DNHD1: variants seen among roughly 807,000 people sequenced by gnomAD.
DNHD1 encodes the protein dynein heavy chain domain-containing protein 1.
A neutral mutation model predicts 458.1 loss-of-function variants in DNHD1; 383 were observed. That is an observed-to-expected ratio of 0.84 (90% confidence interval 0.77 to 0.91). The LOEUF (loss-of-function observed/expected upper bound fraction) is 0.91. DNHD1 is among the 40% of genes least tolerant of loss of function. DNHD1 has a pLI of 0.00. For synonymous variants in DNHD1, 2,203 were observed against 2,376.9 expected (o/e 0.93, Z 2.13); for missense variants, 5,336 against 5,866.1 (o/e 0.91, Z 2.95).
In DNHD1 at chr11:6,522,604, C is replaced by T. The variant is rs543616125; in HGVS notation, c.1837+2315C>T. ...ATATAACAAACCTGCACATGTACCC[C>T]GGAATCTAAAATAAAAGTTTAAAAA... On this transcript the variant is annotated intron_variant, in intron 10 of 42. Transcript: ENST00000254579. Among the ~76,000 whole-genome samples the T allele has an allele frequency of 8.6e-3, 1,303 of 152,042 alleles. 17 individuals carry two copies. Among genetic ancestry groups the T allele is most frequent in the African/African-American group, 0.03 (1,224 of 41,434 alleles).
At chr11:6,514,712 T>C (rs1310616323) in intron 7 of DNHD1, among the ~76,000 whole-genome samples, 1 of 152,222 alleles carries the variant, frequency 6.6e-6, no homozygotes, top group African/African-American at 2.4e-5. Context: ...TATGCTCTTT[T>C]TTTATAAACA....
chr11:6,566,559 G>A, intron 34 of DNHD1, 28 bp from the exon 35 acceptor site: 3 of 1,611,708 alleles, frequency 1.9e-6, no homozygotes, highest in Non-Finnish European at 2.5e-6. Context: ...AAGGGGAAGA[G>A]GTTAAGCATC....
intron 10 of DNHD1, among the ~76,000 whole-genome samples, chr11:6,526,319 A>C (rs1194494469): frequency 6.6e-6 from 1 of 151,500 alleles, no homozygotes; most frequent in East Asian, 1.9e-4. Context: ...TCTAATTCTG[A>C]TATGTGTCCT....
chr11:6,527,959 G>A (rs1852743835), intron 10 of DNHD1, among the ~76,000 whole-genome samples: 1 of 152,192 alleles, frequency 6.6e-6, no homozygotes, highest in Non-Finnish European at 1.5e-5. Flanking sequence ...CCTCTGTTCT[G>A]CAGATGCCAG....
intron 10 of DNHD1, among the ~76,000 whole-genome samples, chr11:6,528,163 T>G (rs746701902): frequency 1.3e-5 from 2 of 152,204 alleles, no homozygotes; most frequent in Non-Finnish European, 2.9e-5. Flanking sequence ...GACAGTGATA[T>G]CCCATTTTGC....
chr11:6,537,263 G>A (rs1194819424), intron 14 of DNHD1, among the ~76,000 whole-genome samples: 4 of 152,154 alleles, frequency 2.6e-5, no homozygotes, highest in South Asian at 2.1e-4. Context: ...GATAATGGCC[G>A]GAGGTAAACA....
At position 6,559,232 on chromosome 11, in the gene DNHD1, C is replaced by T. The variant is rs1033381683; in HGVS notation, c.9468C>T (p.Thr3156=). 4.1e-5 allele frequency: 63 copies of T among 1,551,518 alleles called. No individual in the cohort carries two copies. The highest frequency in any genetic ancestry group is 2.6e-6 in the Non-Finnish European group (3 of 1,147,002). The part of the protein sequence containing the change: ...NLRMLIKEHG[T]HANLIFDLEQ... ...GAATGCTGATTAAGGAGCACGGTAC[C>T]CATGCCAATCTGATCTTTGACTTGG... Residue 3156 remains threonine (T), a synonymous_variant, in exon 28 of 43, where the codon ACC becomes ACT. Coordinates refer to ENST00000254579, the MANE Select transcript of DNHD1 (RefSeq NM_144666.3).
chr11:6,528,150 T>C (rs1334216844), intron 10 of DNHD1, among the ~76,000 whole-genome samples: 2 of 152,224 alleles, frequency 1.3e-5, no homozygotes, highest in African/African-American at 4.8e-5. Flanking sequence ...TAGTTGATGG[T>C]GTGACAGTGA....
chr11:6,566,821 G>C (rs1189467705), intron 35 of DNHD1, 56 bp downstream of exon 35: 115 of 1,599,154 alleles, frequency 7.2e-5, no homozygotes, highest in South Asian at 2.0e-4. Flanking sequence ...CCTGGGTAAG[G>C]GGGTGGAGAT....
At chr11:6,525,859 A>G (rs1852700690) in intron 10 of DNHD1, among the ~76,000 whole-genome samples, 1 of 152,042 alleles carries the variant, frequency 6.6e-6, no homozygotes, top group African/African-American at 2.4e-5. Context: ...CTTTTTGCCT[A>G]GATTTTTTTT....
rs560431947 is a variant in DNHD1, at chr11:6,565,899, A to G, written c.10961A>G (p.Tyr3654Cys). Residue 3654 changes from tyrosine (Y) to cysteine (C), a missense_variant, in exon 33 of 43, where the codon TAT becomes TGT. Around this residue, in one of 4 missense-constraint regions of DNHD1, gnomAD observed 695 missense variants for 804.2 expected, o/e 0.86. Transcript: ENST00000254579. Reference sequence around the variant, plus strand: ...GAGAGCCAGGGGTCAAAGCCAGCCTATGAGACTCAGCTTCCATCCCTTCCC... The same window carrying G: ...GAGAGCCAGGGGTCAAAGCCAGCCTGTGAGACTCAGCTTCCATCCCTTCCC... ...KTESQGSKPA[Y>C]ETQLPSLPYL... 7.7e-6 allele frequency: 12 copies of G among 1,551,590 alleles called. No homozygotes were observed. The highest frequency in any genetic ancestry group is 2.4e-5 in the East Asian group (1 of 40,930).
At chr11:6,570,562 G>A (rs571515448) in intron 41 of DNHD1, 56 bp from the exon 42 acceptor site, 299 of 1,511,468 alleles carry the variant, frequency 2.0e-4, no homozygotes, top group Non-Finnish European at 2.6e-4. Context: ...CTACTCTCTC[G>A]AGTCTAGGGT....
At chr11:6,562,622 T>C (rs2134453103) in intron 28 of DNHD1, among the ~76,000 whole-genome samples, 1 of 152,156 alleles carries the variant, frequency 6.6e-6, no homozygotes, top group Non-Finnish European at 1.5e-5. Context: ...GAACACAGTA[T>C]CATGAAGGCC....
chr11:6,507,822 T>C (rs1392444009), intron 4 of DNHD1, among the ~76,000 whole-genome samples: 1 of 152,236 alleles, frequency 6.6e-6, no homozygotes, highest in African/African-American at 2.4e-5. Flanking sequence ...AGTTTTCCTA[T>C]CTGTAATTTG....
At chr11:6,500,494 T>C (rs1589863282) in intron 3 of DNHD1, among the ~76,000 whole-genome samples, 2 of 152,166 alleles carry the variant, frequency 1.3e-5, no homozygotes, top group African/African-American at 4.8e-5. Context: ...TAATGGGAGG[T>C]GGCCAATGCC....
rs527385583 is a variant in DNHD1, at chr11:6,552,100, GATA to G, written c.7387+3172_7387+3174del. Reference sequence around the variant, plus strand: ...TTAAAAAAAAAAGTTTTAAAAAATGGATAATAAGGGAAAATTATGAAAAACTTT... The same window carrying G: ...TTAAAAAAAAAAGTTTTAAAAAATGGATAAGGGAAAATTATGAAAAACTTT... On this transcript the variant is annotated intron_variant, in intron 24 of 42. Transcript: ENST00000254579. 1.5e-4 allele frequency among the ~76,000 whole-genome samples: 22 copies of G among 149,864 alleles called. 4 individuals are homozygous for G. The South Asian group carries it at 3.7e-3, about 25-fold the overall frequency.
At chr11:6,543,032 A>G (rs1162999832) in intron 18 of DNHD1, among the ~76,000 whole-genome samples, 1 of 152,224 alleles carries the variant, frequency 6.6e-6, no homozygotes, top group African/African-American at 2.4e-5. Context: ...CTCATATCCC[A>G]TAGAGCATAA....
In DNHD1 at chr11:6,545,968, C is replaced by T. The variant is rs1245905895; in HGVS notation, c.5029C>T (p.Leu1677=). The change falls in exon 21 of 43, where the codon CTA becomes TTA. Residue 1677 remains leucine (L), a synonymous_variant. Coordinates refer to ENST00000254579, the MANE Select transcript of DNHD1 (RefSeq NM_144666.3). This position sits in a 1 kb window ranked among gnomAD's most constrained non-coding sequence, Gnocchi z 4.9. ...GCCAGCCCTGGTACTATTATTGGCC[C>T]TAGAGGAGGTGGCCTGTGGGACCGT... ...ERPALVLLLA[L]EEVACGTVLG... 1 of 1,551,648 alleles carries T rather than the reference C, an allele frequency of 6.4e-7. No individual in the cohort carries two copies. Among genetic ancestry groups the T allele is most frequent in the African/African-American group, 1.4e-5 (1 of 73,060 alleles).
rs888721239 is a variant in DNHD1, at chr11:6,544,103, C to T, written c.3629-18C>T. ...CCCTTGCCTCATCTGACTGCCAGTTCAGCTTTTTCTGTCTTAGATTACAGC... is the reference window on the plus strand; with the variant it reads ...CCCTTGCCTCATCTGACTGCCAGTTTAGCTTTTTCTGTCTTAGATTACAGC... On this transcript the variant is annotated intron_variant, in intron 18 of 42. Transcript: ENST00000254579. 1.3e-6 allele frequency: 2 copies of T among 1,547,744 alleles called. No individual in the cohort carries two copies. Among genetic ancestry groups the T allele is most frequent in the South Asian group, 2.4e-5 (2 of 83,944 alleles).
Sources: allele counts gnomAD v4.1 joint callset (sites outside exome capture counted in the v4.1 genomes callset), GRCh38; gene constraint gnomAD v4.1.1; regional missense constraint gnomAD v4.1.1; non-coding constraint Gnocchi (gnomAD v3.1); transcripts MANE v1.5; gene names NCBI Gene and HGNC (gene_info 2026-07-23, HGNC 2026-07-21).